DDX17: variants seen among roughly 807,000 people sequenced by gnomAD.
DDX17 encodes DEAD-box helicase 17, also known as probable ATP-dependent RNA helicase DDX17.
In DDX17, 10 loss-of-function variants were observed where a neutral mutation model predicts 80.8. The ratio of observed to expected loss-of-function variants is 0.12; its 90% CI spans 0.08 to 0.21. The LOEUF is 0.21. DDX17 is among the 10% of genes least tolerant of loss of function. DDX17 has a pLI of 1.00. For missense variants in DDX17, 586 were observed against 957.4 expected (o/e 0.61, Z 5.12); for synonymous variants, 339 against 336.2 (o/e 1.01, Z -0.09).
At chr22:38,486,777 T>C (rs1003221434) in intron 12 of DDX17, among the ~76,000 whole-genome samples, 5 of 152,184 alleles carry the variant, frequency 3.3e-5, no homozygotes, top group African/African-American at 1.2e-4. Flanking sequence ...AACTGCTATG[T>C]CTCAGTTTCT....
At position 38,497,634 on chromosome 22, in the gene DDX17, A is replaced by G. The variant is rs187942644; in HGVS notation, c.738+451T>C. On this transcript the variant is annotated intron_variant, in intron 5 of 12. Transcript: ENST00000403230. The stretch of plus-strand genomic sequence containing the variant: ...AATATATCTCCAAAAAAAAAAAAAA[A>G]AAAGAAAGAAGGCTGGACGCAGTGG... Among the ~76,000 whole-genome samples the G allele has an allele frequency of 5.9e-4, 89 of 149,890 alleles. 1 individual carries two copies. The highest frequency in any genetic ancestry group is 1.9e-3 in the African/African-American group (76 of 40,810).
Position 38,484,713 on chromosome 22 carries a change from T to C in DDX17, c.*1222A>G, listed in dbSNP as rs2089637578. 6.6e-6 allele frequency: 1 copy of C among 152,206 alleles called. No individual in the cohort carries two copies. The highest frequency in any genetic ancestry group is 2.1e-4 in the South Asian group (1 of 4,830). 9.4% of individuals were successfully genotyped at this position (152,206 alleles called of 1,614,324 possible). The stretch of plus-strand genomic sequence containing the variant: ...GAGGATGAACTCACCTACCTTCAGA[T>C]GGAGGAAAAGTGAAAAGGACTTAGG... On this transcript the variant is annotated 3_prime_UTR_variant, in exon 13 of 13. Coordinates refer to ENST00000403230, the MANE Select transcript of DDX17 (RefSeq NM_006386.5).
At chr22:38,504,592 C>A (rs1478553834) in intron 1 of DDX17, among the ~76,000 whole-genome samples, 1 of 152,134 alleles carries the variant, frequency 6.6e-6, no homozygotes, top group African/African-American at 2.4e-5. Context: ...ATCCTCTAAA[C>A]AATGAGATAA....
intron 1 of DDX17, 118 bp downstream of exon 1, chr22:38,505,833 C>T: frequency 7.7e-7 from 1 of 1,301,840 alleles, no homozygotes; most frequent in South Asian, 1.5e-5. Context: ...CCTCGAGTCG[C>T]CTCCCCTCGC....
At chr22:38,501,307 A>G (rs746614739) in intron 1 of DDX17, 27 bp from the exon 2 acceptor site, 7 of 1,596,420 alleles carry the variant, frequency 4.4e-6, no homozygotes, top group Non-Finnish European at 6.0e-6. Context: ...TAGTTAGTTC[A>G]TCAGTATTTT....
rs2089745803 is a variant in DDX17 at position 38,494,958 on chromosome 22, T to C, written c.969A>G (p.Val323=). 6.2e-7 allele frequency: 1 copy of C among 1,614,060 alleles called. No individual in the cohort carries two copies. Among genetic ancestry groups the C allele is most frequent in the African/African-American group, 1.3e-5 (1 of 74,920 alleles). The change falls in exon 7 of 13, where the codon GTA becomes GTG. Residue 323 remains valine, a synonymous_variant. Transcript: ENST00000403230. ...CAAGCATTCTGTCAGCTTCGTCCAA[T>C]ACAAGGTAAGTACATCGGCGAAGAT... is the stretch of plus-strand genomic sequence containing the variant.
In DDX17 at chr22:38,489,917, A is replaced by G; in HGVS notation, c.1448-1802T>C. 4 of 993,440 alleles carry G rather than the reference A, an allele frequency of 4.0e-6. No individual in the cohort carries two copies. Among genetic ancestry groups the G allele is most frequent in the Non-Finnish European group, 4.8e-6 (4 of 834,536 alleles). 61.5% of individuals were successfully genotyped at this position (993,440 alleles called of 1,614,324 possible). A position where few individuals can be genotyped will look rare whatever the true frequency, so the allele number is the denominator to read the frequency against. On this transcript the variant is annotated intron_variant, in intron 11 of 12. Transcript: ENST00000403230. The surrounding 1 kb of genome is among the most constrained non-coding windows in gnomAD (Gnocchi z 4.6). Reference sequence around the variant, plus strand: ...TGCTCCTTATGCAATCCCACTGCATATGACCATGGCAGTAGAACAAGTTCA... The same window carrying G: ...TGCTCCTTATGCAATCCCACTGCATGTGACCATGGCAGTAGAACAAGTTCA...
At chr22:38,499,220 AAAAAACAAAAC>A (rs1396075545) in intron 3 of DDX17, among the ~76,000 whole-genome samples, 169 bp downstream of exon 3, 1 of 152,232 alleles carries the variant, frequency 6.6e-6, no homozygotes, top group Non-Finnish European at 1.5e-5. Flanking sequence ...AAAAACCTCA[AAAAAACAAAAC>A]AAAAACAAAA....
chr22:38,501,037 T>C (rs1032441331), intron 2 of DDX17, 93 bp downstream of exon 2: 4 of 1,451,140 alleles, frequency 2.8e-6, no homozygotes, highest in Middle Eastern at 4.1e-4. Flanking sequence ...TAGAATAAAA[T>C]GTAAAACGGC....
intron 8 of DDX17, 66 bp from the exon 9 acceptor site, chr22:38,494,197 A>G (rs1325157312): frequency 1.2e-5 from 13 of 1,078,616 alleles, no homozygotes; most frequent in African/African-American, 9.4e-5. Flanking sequence ...TATGTCTGCA[A>G]TATCAACTCC....
intron 8 of DDX17, 49 bp downstream of exon 8, chr22:38,494,581 A>G (rs369674301): frequency 1.3e-4 from 207 of 1,574,634 alleles, no homozygotes; most frequent in Non-Finnish European, 1.7e-4. Context: ...GAGGGTTATT[A>G]GAAAAGGTTT....
At chr22:38,490,459 A>G in intron 11 of DDX17, 1 of 1,288,686 alleles carries the variant, frequency 7.8e-7, no homozygotes, top group Non-Finnish European at 1.0e-6. Context: ...AAAACAAAAT[A>G]AATTCAATAC....
rs2089676615 is a variant in DDX17 at position 38,487,915 on chromosome 22, G to T, written c.1648C>A (p.Gln550Lys). 1 of 1,614,086 alleles carries T rather than the reference G, an allele frequency of 6.2e-7. No homozygotes were observed. The highest frequency in any genetic ancestry group is 1.7e-5 in the Admixed American group (1 of 59,990). The stretch of plus-strand genomic sequence containing the variant: ...CCGCCTCCTCTGTGGTCCACAAGCT[G>T]CATCAGTTTTGGATTGATAGCCTGA... The change falls in exon 12 of 13, where the codon CAG becomes AAG. Residue 550 changes from glutamine (Q) to lysine (K), a missense_variant. Coordinates refer to ENST00000403230, the MANE Select transcript of DDX17 (RefSeq NM_006386.5).
Position 38,494,102 on chromosome 22 carries a change from G to C in DDX17, c.1244C>G (p.Ala415Gly). Reference sequence around the variant, plus strand: ...TATTATTGTTTTGTTTTCCTTTTCAGCCATTATTTCTTCCATTAGTTGGAT... The same window carrying C: ...TATTATTGTTTTGTTTTCCTTTTCACCCATTATTTCTTCCATTAGTTGGAT... The change falls in exon 9 of 13, where the codon GCT becomes GGT. Residue 415 changes from alanine (A) to glycine (G), a missense_variant. By Grantham distance (60) the Ala-to-Gly change is moderately conservative. This residue lies in a region of DDX17 where 141 missense variants were observed against 379.3 expected (regional missense o/e 0.37). Coordinates refer to ENST00000403230, the MANE Select transcript of DDX17 (RefSeq NM_006386.5). 3.1e-6 allele frequency: 5 copies of C among 1,613,554 alleles called. No homozygotes were observed. The highest frequency in any genetic ancestry group is 4.2e-6 in the Non-Finnish European group (5 of 1,179,750).
In DDX17 at chr22:38,485,839, G is replaced by A. The variant is rs2089651514; in HGVS notation, c.*96C>T. On this transcript the variant is annotated 3_prime_UTR_variant, in exon 13 of 13. Coordinates refer to ENST00000403230, the MANE Select transcript of DDX17 (RefSeq NM_006386.5). ...AATTAAAAAAAAAAAAAGAAAAAAG[G>A]AAAAAAAAAGAAAAGGCGAAGAGGA... 4 of 1,343,874 alleles carry A rather than the reference G, an allele frequency of 3.0e-6. No individual in the cohort carries two copies. The highest frequency in any genetic ancestry group is 2.9e-6 in the Non-Finnish European group (3 of 1,031,792). 83.2% of individuals were successfully genotyped at this position (1,343,874 alleles called of 1,614,324 possible).
At chr22:38,488,352 A>AAGGGAATCCC in intron 11 of DDX17, 1 of 1,389,492 alleles carries the variant, frequency 7.2e-7, no homozygotes, top group Non-Finnish European at 9.3e-7. Context: ...GTAGAATCCT[A>AAGGGAATCCC]AGGGAATCCC....
Position 38,494,982 on chromosome 22 carries a change from A to G in DDX17, c.945T>C (p.Asn315=), listed in dbSNP as rs769513277. 3.1e-6 allele frequency: 5 copies of G among 1,614,160 alleles called. No individual in the cohort carries two copies. The Admixed American group carries it at 8.3e-5, about 27-fold the overall frequency. ...ATACAAGGTAAGTACATCGGCGAAG[A>G]TTTGTCTTTCCTGACTCCAGGAAAT... The change falls in exon 7 of 13, where the codon AAT becomes AAC. Residue 315 remains asparagine (N), a synonymous_variant. Coordinates refer to ENST00000403230, the MANE Select transcript of DDX17 (RefSeq NM_006386.5).
In DDX17 at chr22:38,483,988, G is replaced by A. The variant is rs1174593344; in HGVS notation, c.*1947C>T. 6.6e-6 allele frequency: 1 copy of A among 152,550 alleles called. No individual in the cohort carries two copies. The highest frequency in any genetic ancestry group is 1.5e-5 in the Non-Finnish European group (1 of 68,038). 9.4% of individuals were successfully genotyped at this position (152,550 alleles called of 1,614,324 possible). A position where few individuals can be genotyped will look rare whatever the true frequency, so the allele number is the denominator to read the frequency against. On this transcript the variant is annotated 3_prime_UTR_variant, in exon 13 of 13. Coordinates refer to ENST00000403230, the MANE Select transcript of DDX17 (RefSeq NM_006386.5). The stretch of plus-strand genomic sequence containing the variant: ...AAGCAATCCAAATAACCACTTGCTT[G>A]CCCAGAGACCTTTCCCTCAAACAGA...
At chr22:38,497,984 G>A (rs556125242) in intron 5 of DDX17, 101 bp downstream of exon 5, 6 of 1,061,314 alleles carry the variant, frequency 5.7e-6, no homozygotes, top group Non-Finnish European at 5.7e-6. Flanking sequence ...CCTATGGAGG[G>A]TGTGGTTAAG....
Sources: allele counts gnomAD v4.1 joint callset (sites outside exome capture counted in the v4.1 genomes callset), GRCh38; gene constraint gnomAD v4.1.1; regional missense constraint gnomAD v4.1.1; non-coding constraint Gnocchi (gnomAD v3.1); transcripts MANE v1.5; gene names NCBI Gene and HGNC (gene_info 2026-07-23, HGNC 2026-07-21).